ZDHHC11B: variants seen among roughly 807,000 people sequenced by gnomAD.
ZDHHC11B encodes the protein probable palmitoyltransferase ZDHHC11B.
ZDHHC11B carries 17 observed loss-of-function variants against 42.3 expected under a neutral mutation model. That is an observed-to-expected ratio of 0.40 (90% confidence interval 0.27 to 0.60). ZDHHC11B has a LOEUF of 0.60. Ranked by LOEUF, ZDHHC11B falls within the 20% of genes least tolerant of loss-of-function variation. The probability of loss-of-function intolerance (pLI) is 0.41; values close to 1 mark genes in which losing one functional copy is unlikely to be tolerated. For missense variants in ZDHHC11B, 262 were observed against 463.2 expected (o/e 0.57, Z 3.99); for synonymous variants, 123 against 193.5 (o/e 0.64, Z 3.02).
intron 12 of ZDHHC11B, among the ~76,000 whole-genome samples, chr5:723,539 G>A (rs958394129): frequency 1.8e-5 from 2 of 110,478 alleles, no homozygotes; most frequent in East Asian, 2.2e-4. Flanking sequence ...GCTAAGAGGA[G>A]CTTTGCATTC....
intron 9 of ZDHHC11B, among the ~76,000 whole-genome samples, chr5:742,404 A>G (rs1469766494): frequency 1.4e-5 from 2 of 142,496 alleles, no homozygotes; most frequent in Non-Finnish European, 3.0e-5. Context: ...TCAGTCTAAG[A>G]CTTGAAAATA....
chr5:763,446 A>G (rs568444087), intron 4 of ZDHHC11B, among the ~76,000 whole-genome samples: 1 of 151,886 alleles, frequency 6.6e-6, no homozygotes, highest in Admixed American at 6.6e-5. Flanking sequence ...AGAGAAACAG[A>G]ATAGCTTTTT....
At chr5:728,896 C>T (rs1742791933) in intron 12 of ZDHHC11B, among the ~76,000 whole-genome samples, 1 of 151,614 alleles carries the variant, frequency 6.6e-6, no homozygotes, top group Non-Finnish European at 1.5e-5. Flanking sequence ...GCCTGTGGTC[C>T]CAGCTACTTG....
intron 6 of ZDHHC11B, among the ~76,000 whole-genome samples, chr5:753,558 C>T (rs879692383): frequency 0.026 from 3,678 of 140,736 alleles, 105 homozygotes; most frequent in Non-Finnish European, 0.04. Flanking sequence ...TGAGCCAGCT[C>T]GAGGCACCAG....
intron 1 of ZDHHC11B, among the ~76,000 whole-genome samples, chr5:769,690 C>A (rs1224687027): frequency 4.6e-5 from 7 of 151,952 alleles, no homozygotes; most frequent in African/African-American, 1.2e-4. Context: ...CAACAAAGTG[C>A]CCCTGACGGG....
chr5:784,360 G>A (rs868339788), intron 1 of ZDHHC11B, among the ~76,000 whole-genome samples: 18 of 152,104 alleles, frequency 1.2e-4, no homozygotes, highest in African/African-American at 3.9e-4. Context: ...CGCGAAGAAA[G>A]GCCAAAGCGC....
chr5:736,073 A>T (rs1202236465), intron 10 of ZDHHC11B, among the ~76,000 whole-genome samples: 1 of 149,590 alleles, frequency 6.7e-6, no homozygotes, highest in African/African-American at 2.5e-5. Flanking sequence ...TCTTCAAGAG[A>T]CACACCTAAT....
In ZDHHC11B at chr5:733,832, C is replaced by T. The variant is rs1225234837; in HGVS notation, c.943G>A (p.Ala315Thr). The change falls in exon 11 of 14, where the codon GCC (alanine) becomes ACC (threonine). Residue 315 changes from alanine (A) to threonine (T), a missense_variant. By Grantham distance (58) the Ala-to-Thr change is moderately conservative. This residue lies in a region of ZDHHC11B where 75 missense variants were observed against 70.1 expected (regional missense o/e 1.07). Transcript: ENST00000508859. ...ALGSSAQGVK[A>T]KSSLLIYKCP... ...TTGTAAATCAGCAGGGAGCTCTTGG[C>T]CTTGACTCTGGTGGGACAGGAAGGA... The T allele has an allele frequency of 9.3e-6, 15 of 1,607,334 alleles. No individual in the cohort carries two copies. The highest frequency in any genetic ancestry group is 1.2e-5 in the Non-Finnish European group (14 of 1,178,510).
rs1554040864 is a variant in ZDHHC11B at position 763,385 on chromosome 5, A to AG, written c.222+3312_222+3313insC. On this transcript the variant is annotated intron_variant, in intron 4 of 13. Transcript: ENST00000508859. ...ACTCCCATCTCGGGAAAAAAAAAAA[A>AG]AAGAAGAAGAAGAAGAAAAATACAA... 5.3e-5 allele frequency among the ~76,000 whole-genome samples: 8 copies of AG among 149,952 alleles called. No homozygotes were observed. In the East Asian group the frequency reaches 1.4e-3, roughly 26 times the overall value.
At chr5:747,948 C>T (rs1237551313) in intron 8 of ZDHHC11B, 1 of 345,790 alleles carries the variant, frequency 2.9e-6, no homozygotes, top group African/African-American at 2.0e-5. Flanking sequence ...CAAGCAAGAC[C>T]ACCAGCTCTC....
chr5:767,246 G>C, intron 3 of ZDHHC11B, 146 bp downstream of exon 3: 1 of 1,034,752 alleles, frequency 9.7e-7, no homozygotes, highest in Non-Finnish European at 1.4e-6. Flanking sequence ...GTGGATGACT[G>C]AAAGCAACGG....
intron 4 of ZDHHC11B, among the ~76,000 whole-genome samples, chr5:764,449 A>G (rs1385170404): frequency 6.6e-6 from 1 of 151,832 alleles, no homozygotes; most frequent in East Asian, 1.9e-4. Flanking sequence ...CGGGCCCTGC[A>G]CTCAGAGCAG....
chr5:724,665 A>ACG (rs1742436996), intron 12 of ZDHHC11B, among the ~76,000 whole-genome samples: 1 of 25,646 alleles, frequency 3.9e-5, no homozygotes, highest in South Asian at 1.2e-3. Context: ...CATCAGTTAC[A>ACG]CACACACACA....
At chr5:780,678 G>T (rs1442880922) in intron 1 of ZDHHC11B, among the ~76,000 whole-genome samples, 1 of 145,210 alleles carries the variant, frequency 6.9e-6, no homozygotes, top group Non-Finnish European at 1.5e-5. Context: ...GCCAGGTGGG[G>T]CCCTCCCAGC....
intron 12 of ZDHHC11B, among the ~76,000 whole-genome samples, chr5:725,187 GACAA>G (rs1211474007): frequency 1.1e-4 from 16 of 151,326 alleles, no homozygotes; most frequent in Admixed American, 2.0e-4. Context: ...GCCTTGTGAG[GACAA>G]GCAGAGGAGG....
At chr5:716,717 T>C (rs1741777168) in intron 13 of ZDHHC11B, 84 bp downstream of exon 13, 1 of 1,568,308 alleles carries the variant, frequency 6.4e-7, no homozygotes, top group Non-Finnish European at 8.8e-7. Flanking sequence ...TTTGCACTGG[T>C]GATTTTTTAA....
chr5:757,002 T>C (rs1429767029), intron 4 of ZDHHC11B, among the ~76,000 whole-genome samples: 1 of 151,778 alleles, frequency 6.6e-6, no homozygotes, highest in Non-Finnish European at 1.5e-5. Flanking sequence ...GAGAGGGTCC[T>C]TGTCCCCTGG....
intron 1 of ZDHHC11B, among the ~76,000 whole-genome samples, chr5:774,716 G>A (rs1480984878): frequency 6.9e-4 from 35 of 50,668 alleles, no homozygotes; most frequent in African/African-American, 2.4e-3. Flanking sequence ...AGGGCCAGGG[G>A]TCTGCCCCTT....
intron 1 of ZDHHC11B, among the ~76,000 whole-genome samples, chr5:774,166 C>T (rs3894749): frequency 0.11 from 15,423 of 146,378 alleles, 113 homozygotes; most frequent in African/African-American, 0.18. Flanking sequence ...AGAGGCCCCA[C>T]GGAAAATCAC....
Sources: allele counts gnomAD v4.1 joint callset (sites outside exome capture counted in the v4.1 genomes callset), GRCh38; gene constraint gnomAD v4.1.1; regional missense constraint gnomAD v4.1.1; transcripts MANE v1.5; gene names NCBI Gene and HGNC (gene_info 2026-07-23, HGNC 2026-07-21).